BCAT1: variants seen among roughly 807,000 people sequenced by gnomAD.
BCAT1 encodes the protein branched chain amino acid transaminase 1.
In BCAT1, 48 loss-of-function variants were observed where a neutral mutation model predicts 52.4. The ratio of observed to expected loss-of-function variants is 0.92; its 90% CI spans 0.73 to 1.16. The LOEUF (loss-of-function observed/expected upper bound fraction) is 1.16. BCAT1 is among the 50% of genes most tolerant of loss of function. The pLI is 0.00. For synonymous variants in BCAT1, 167 were observed against 161.3 expected, an observed-to-expected ratio of 1.04 and a Z score of -0.27; for missense variants, 451 against 457.1, an observed-to-expected ratio of 0.99 and a Z score of 0.12.
At chr12:24,893,854 A>G (rs531610046) in intron 3 of BCAT1, among the ~76,000 whole-genome samples, 44 of 152,242 alleles carry the variant, frequency 2.9e-4, no homozygotes, top group Non-Finnish European at 2.9e-5. Context: ...GTCCCTTAAC[A>G]TGCATAACTA....
chr12:24,863,378 C>G (rs770752003), intron 5 of BCAT1, among the ~76,000 whole-genome samples: 4 of 152,116 alleles, frequency 2.6e-5, no homozygotes, highest in Non-Finnish European at 5.9e-5. Context: ...TAAATACATT[C>G]CATATGTACA....
chr12:24,869,253 C>G (rs1440399370), intron 5 of BCAT1, among the ~76,000 whole-genome samples: 1 of 152,060 alleles, frequency 6.6e-6, no homozygotes, highest in Non-Finnish European at 1.5e-5. Context: ...GGAAGAAGAC[C>G]CCAGAGAAAC....
In BCAT1 at chr12:24,813,714, C is replaced by A. The variant is rs1939773133; in HGVS notation, c.*4294G>T. ...ACCAACCTTATTAAGTAGTTTTGCA[C>A]TAGAAGAAAGGAAGGAATTAAAGAA... On this transcript the variant is annotated 3_prime_UTR_variant, in exon 11 of 11. Transcript: ENST00000261192. 1 of 151,858 alleles carries A rather than the reference C, an allele frequency of 6.6e-6. No individual in the cohort carries two copies. The highest frequency in any genetic ancestry group is 6.6e-5 in the Admixed American group (1 of 15,256). The allele number at this position is 151,858 out of a possible 1,614,324, so 9.4% of individuals were successfully genotyped here.
rs144806605 is a variant in BCAT1, at chr12:24,933,561, C to T, written c.6+15366G>A. ...CTCAAACCTCATGTGGAATTTTAAT[C>T]CCCTCACGCCAGGGGAGGAACCTGG... On this transcript the variant is annotated intron_variant, in intron 1 of 10. Transcript: ENST00000261192. Among the ~76,000 whole-genome samples the T allele has an allele frequency of 1.7e-3, 254 of 152,176 alleles. 2 individuals carry two copies. The highest frequency in any genetic ancestry group is 5.8e-3 in the African/African-American group (241 of 41,518).
chr12:24,946,762 C>T (rs1943938140), intron 1 of BCAT1, among the ~76,000 whole-genome samples: 2 of 152,160 alleles, frequency 1.3e-5, no homozygotes, highest in Admixed American at 1.3e-4. Context: ...ACAGAAAGCA[C>T]ATCTTGGTTT....
chr12:24,902,395 C>A, intron 1 of BCAT1: 1 of 1,122,044 alleles, frequency 8.9e-7, no homozygotes, highest in Non-Finnish European at 1.1e-6. Flanking sequence ...CACCCCACAC[C>A]TTAAACCTCA....
At chr12:24,854,527 G>A (rs569815205) in intron 5 of BCAT1, among the ~76,000 whole-genome samples, 1 of 152,116 alleles carries the variant, frequency 6.6e-6, no homozygotes, top group Non-Finnish European at 1.5e-5. Flanking sequence ...AGAGCTCAGC[G>A]GTCCATACAG....
In BCAT1 at chr12:24,892,059, T is replaced by TTTTTGTTTTG. The variant is rs3044287; in HGVS notation, c.279+2206_279+2215dup. Among the ~76,000 whole-genome samples, 1,012 of 144,552 alleles carry TTTTTGTTTTG rather than the reference T, an allele frequency of 7.0e-3. 22 individuals carry two copies. Among genetic ancestry groups the TTTTTGTTTTG allele is most frequent in the South Asian group, 0.021 (90 of 4,252 alleles). The allele number at this position is 144,552 out of a possible 152,430, so 94.8% of individuals were successfully genotyped here. On this transcript the variant is annotated intron_variant, in intron 3 of 10. Coordinates refer to ENST00000261192, the MANE Select transcript of BCAT1 (RefSeq NM_005504.7). Reference sequence around the variant, plus strand: ...GGCGTGAGCCACCTCGCCTGGCCGTTTTTTGTTTTGTTTTGTTTTGTTTTG... The same window carrying TTTTTGTTTTG: ...GGCGTGAGCCACCTCGCCTGGCCGTTTTTTGTTTTGTTTTGTTTTGTTTTGTTTTGTTTTG...
chr12:24,903,613 C>G (rs1440419840), intron 1 of BCAT1: 1 of 152,156 alleles, frequency 6.6e-6, no homozygotes, highest in Admixed American at 6.6e-5. Context: ...TATGGGGCTA[C>G]CAGGCTCGCA....
intron 5 of BCAT1, among the ~76,000 whole-genome samples, chr12:24,863,491 TATC>T (rs1941910883): frequency 6.6e-6 from 1 of 152,196 alleles, no homozygotes; most frequent in Non-Finnish European, 1.5e-5. Context: ...AGACAAGAAT[TATC>T]ATGCCAGTTA....
intron 1 of BCAT1, among the ~76,000 whole-genome samples, chr12:24,924,624 C>T (rs1381238893): frequency 6.6e-6 from 1 of 151,770 alleles, no homozygotes; most frequent in Non-Finnish European, 1.5e-5. Flanking sequence ...GTGAAATAGC[C>T]AATGAGCCTG....
intron 10 of BCAT1, among the ~76,000 whole-genome samples, chr12:24,828,476 G>C (rs548396296): frequency 6.6e-6 from 1 of 151,844 alleles, no homozygotes; most frequent in Non-Finnish European, 1.5e-5. Flanking sequence ...GGAAGTAATC[G>C]AGGATGTACT....
At chr12:24,857,029 T>C (rs184418341) in intron 5 of BCAT1, among the ~76,000 whole-genome samples, 4 of 152,316 alleles carry the variant, frequency 2.6e-5, no homozygotes, top group Admixed American at 2.0e-4. Flanking sequence ...AAGCTCAAAA[T>C]TGGCTGCTCT....
At chr12:24,818,081 A>G (rs1261442777) in intron 10 of BCAT1, 32 bp from the exon 11 acceptor site, 1 of 1,607,672 alleles carries the variant, frequency 6.2e-7, no homozygotes, top group South Asian at 1.1e-5. Flanking sequence ...GTGTTTCAGT[A>G]CAGAAGCTAA....
At chr12:24,819,515 T>C (rs182480443) in intron 10 of BCAT1, among the ~76,000 whole-genome samples, 33 of 152,256 alleles carry the variant, frequency 2.2e-4, no homozygotes, top group Admixed American at 7.2e-4. Flanking sequence ...TTGAAGAAAG[T>C]TCTGCTGCAT....
intron 1 of BCAT1, among the ~76,000 whole-genome samples, chr12:24,935,043 AC>A (rs1306325826): frequency 6.6e-6 from 1 of 152,110 alleles, no homozygotes; most frequent in East Asian, 1.9e-4. Context: ...CTTGTAAGCT[AC>A]CCAGTGACTG....
intron 10 of BCAT1, among the ~76,000 whole-genome samples, chr12:24,819,665 A>C (rs1285731213): frequency 6.6e-6 from 1 of 152,146 alleles, no homozygotes; most frequent in Non-Finnish European, 1.5e-5. Context: ...CTATATCACA[A>C]TGTACATGTG....
At chr12:24,906,615 A>T (rs1037763153) in intron 1 of BCAT1, among the ~76,000 whole-genome samples, 4 of 152,186 alleles carry the variant, frequency 2.6e-5, no homozygotes, top group African/African-American at 9.7e-5. Context: ...ACCATGCCTG[A>T]TGTCAGCCAT....
intron 5 of BCAT1, among the ~76,000 whole-genome samples, chr12:24,852,666 T>C (rs1224232366): frequency 2.6e-5 from 4 of 152,242 alleles, no homozygotes. Context: ...ATTAAATCCA[T>C]TTGTAGAAAA....
Sources: gnomAD v4.1 joint callset for allele counts (sites outside exome capture counted in the v4.1 genomes callset) on GRCh38, gnomAD v4.1.1 for gene constraint, MANE v1.5 for transcripts, NCBI Gene and HGNC (gene_info 2026-07-23, HGNC 2026-07-21) for gene names.